Variants in FGF13 observed in about 807,000 individuals in gnomAD.
The protein encoded by FGF13 is fibroblast growth factor 13.
A neutral mutation model predicts 19.5 loss-of-function variants in FGF13; 2 were observed. The observed-to-expected ratio is 0.10, with a 90% CI of 0.04 to 0.32. The LOEUF is 0.32. Among genes scored for constraint, FGF13 ranks in the 10% least tolerant of loss-of-function variants. The probability of loss-of-function intolerance (pLI) is 1.00; values close to 1 mark genes in which losing one functional copy is unlikely to be tolerated. For missense variants in FGF13, 113 were observed against 192.7 expected, an observed-to-expected ratio of 0.59 and a Z score of 2.45; for synonymous variants, 72 against 76.9, an observed-to-expected ratio of 0.94 and a Z score of 0.33.
intron 3 of FGF13, among the ~76,000 whole-genome samples, chrX:138,776,319 GCA>G (rs2090587352): frequency 2.7e-5 from 3 of 112,393 alleles, no homozygotes; most frequent in Admixed American, 9.4e-5. Flanking sequence ...GCAGTTTGCT[GCA>G]CACATTGTAG....
intron 1 of FGF13, among the ~76,000 whole-genome samples, chrX:139,115,788 C>T (rs779418752): frequency 1.9e-4 from 21 of 112,518 alleles, no homozygotes; most frequent in Middle Eastern, 4.6e-3. Context: ...TCTATTGTTC[C>T]GTTGTTTGTC....
At chrX:138,769,618 C>T (rs900890477) in intron 3 of FGF13, among the ~76,000 whole-genome samples, 1 of 112,313 alleles carries the variant, frequency 8.9e-6, no homozygotes, top group African/African-American at 3.2e-5. Context: ...CTTAAGACCA[C>T]AGTTTCTGAG....
At chrX:138,795,590 C>G (rs1016960417) in intron 3 of FGF13, among the ~76,000 whole-genome samples, 1 of 111,857 alleles carries the variant, frequency 8.9e-6, no homozygotes, top group East Asian at 2.8e-4. Flanking sequence ...ATGTTTCATT[C>G]CAGTCAAGTT....
chrX:138,842,982 G>A (rs2091159535), intron 3 of FGF13, among the ~76,000 whole-genome samples: 1 of 111,863 alleles, frequency 8.9e-6, no homozygotes, highest in Non-Finnish European at 1.9e-5. Flanking sequence ...ATAATTTGGT[G>A]TAATTTTTAA....
At chrX:139,158,495 G>C (rs1033321516) in intron 1 of FGF13, among the ~76,000 whole-genome samples, 1 of 111,301 alleles carries the variant, frequency 9.0e-6, no homozygotes. Context: ...AAGCTGCCAA[G>C]AAGTTCAAAC....
At chrX:138,809,490 T>G (rs1016967585) in intron 3 of FGF13, among the ~76,000 whole-genome samples, 1 of 111,772 alleles carries the variant, frequency 8.9e-6, no homozygotes, top group Non-Finnish European at 1.9e-5. Context: ...GCCAATATCA[T>G]ACTGAATGGG....
intron 3 of FGF13, among the ~76,000 whole-genome samples, chrX:138,816,290 A>G (rs1316916065): frequency 8.9e-6 from 1 of 111,956 alleles, no homozygotes; most frequent in African/African-American, 3.2e-5. Context: ...CTACACTGAT[A>G]ACTAGTTCTC....
intron 3 of FGF13, among the ~76,000 whole-genome samples, chrX:138,769,607 C>T (rs1365259221): frequency 8.9e-6 from 1 of 112,257 alleles, no homozygotes; most frequent in Middle Eastern, 4.2e-3. Flanking sequence ...CATGTTTTTA[C>T]CTTAAGACCA....
chrX:138,702,248 TATA>T (rs1218588506), intron 3 of FGF13, among the ~76,000 whole-genome samples: 3 of 112,026 alleles, frequency 2.7e-5, no homozygotes, highest in Non-Finnish European at 5.6e-5. Context: ...AATAGTCTCT[TATA>T]ATCTGAAACT....
At chrX:139,064,281 C>CTTTTTTTTTTTTTTTTTTTTTTT (rs139084376) in intron 1 of FGF13, among the ~76,000 whole-genome samples, 1 of 23,161 alleles carries the variant, frequency 4.3e-5, no homozygotes, top group African/African-American at 2.2e-4. Context: ...CTTTTTTTTT[C>CTTTTTTTTTTTTTTTTTTTTTTT]TTTTTTTTTT....
At chrX:138,789,976 C>T (rs1361831652) in intron 3 of FGF13, among the ~76,000 whole-genome samples, 4 of 80,769 alleles carry the variant, frequency 5.0e-5, no homozygotes, top group South Asian at 9.6e-4. Context: ...ACCTGGGAGC[C>T]GGAGGTTGCA....
intron 1 of FGF13, among the ~76,000 whole-genome samples, chrX:138,734,372 C>A (rs1414916891): frequency 3.6e-5 from 4 of 111,144 alleles, no homozygotes; most frequent in African/African-American, 6.5e-5. Context: ...ACATAAATGA[C>A]ATGTGTAGTT....
intron 1 of FGF13, among the ~76,000 whole-genome samples, chrX:139,079,980 TC>T (rs1569450988): frequency 2.1e-5 from 2 of 95,783 alleles, no homozygotes; most frequent in Non-Finnish European, 4.0e-5. Flanking sequence ...AACATCACCG[TC>T]ATCATCACCA....
intron 1 of FGF13, among the ~76,000 whole-genome samples, chrX:139,173,781 T>C (rs1348918910): frequency 8.9e-6 from 1 of 112,199 alleles, no homozygotes; most frequent in African/African-American, 3.2e-5. Context: ...ATGTGCCACA[T>C]TTTCTTTATC....
intron 1 of FGF13, among the ~76,000 whole-genome samples, chrX:139,014,848 A>G (rs1269604619): frequency 9.0e-6 from 1 of 111,614 alleles, no homozygotes; most frequent in Non-Finnish European, 1.9e-5. Context: ...ATTCAACAAT[A>G]TATTAAAAAG....
chrX:138,870,715 A>G (rs2091353314), intron 1 of FGF13, among the ~76,000 whole-genome samples: 1 of 112,687 alleles, frequency 8.9e-6, no homozygotes, highest in Admixed American at 9.4e-5. Context: ...CAGAGAGATG[A>G]AAGGAAAGAA....
intron 3 of FGF13, among the ~76,000 whole-genome samples, chrX:138,796,887 C>T (rs765161413): frequency 8.9e-6 from 1 of 111,770 alleles, no homozygotes; most frequent in African/African-American, 3.3e-5. Flanking sequence ...ATTTACGTTG[C>T]CCCCTTTATG....
At chrX:139,146,362 T>A (rs1346723264) in intron 1 of FGF13, among the ~76,000 whole-genome samples, 2 of 111,958 alleles carry the variant, frequency 1.8e-5, no homozygotes, top group African/African-American at 3.3e-5. Context: ...AAAAGACACA[T>A]GAAAAAATGC....
At chrX:139,105,772 A>G (rs17331422) in intron 1 of FGF13, among the ~76,000 whole-genome samples, 13,530 of 111,787 alleles carry the variant, frequency 0.12, 589 homozygotes, top group South Asian at 0.22. Flanking sequence ...TAACACTACA[A>G]TACTTTAGAA....
Sources: gnomAD v4.1 joint callset for allele counts (sites outside exome capture counted in the v4.1 genomes callset) on GRCh38, gnomAD v4.1.1 for gene constraint, MANE v1.5 for transcripts, NCBI Gene and HGNC (gene_info 2026-07-23, HGNC 2026-07-21) for gene names.